POLN: variants seen among roughly 807,000 people sequenced by gnomAD.
POLN encodes the protein DNA polymerase nu.
A neutral mutation model predicts 113.5 loss-of-function variants in POLN; 108 were observed. The ratio of observed to expected loss-of-function variants is 0.95; its 90% confidence interval spans 0.81 to 1.12. The LOEUF (loss-of-function observed/expected upper bound fraction) is 1.12, where lower values mean the gene tolerates loss of function less well. POLN is among the 50% of genes most tolerant of loss of function. The pLI, the probability that POLN is intolerant of heterozygous loss-of-function variation, is 0.00. For synonymous variants in POLN, 386 were observed against 391.5 expected, an observed-to-expected ratio of 0.99 and a Z score of 0.17; for missense variants, 1,097 against 1,077.1, an observed-to-expected ratio of 1.02 and a Z score of -0.26.
intron 16 of POLN, among the ~76,000 whole-genome samples, chr4:2,149,479 C>G (rs1732234555): frequency 6.6e-6 from 1 of 152,108 alleles, no homozygotes; most frequent in Non-Finnish European, 1.5e-5. Context: ...AAAAAGAAAC[C>G]TGGTTGTAAA....
intron 20 of POLN, among the ~76,000 whole-genome samples, chr4:2,094,262 G>C (rs1730730778): frequency 6.6e-6 from 1 of 151,518 alleles, no homozygotes; most frequent in Non-Finnish European, 1.5e-5. Context: ...CAGGAGGCTT[G>C]AGCCCAGGAG....
intron 19 of POLN, among the ~76,000 whole-genome samples, chr4:2,098,814 T>C (rs1428244776): frequency 6.6e-6 from 1 of 152,222 alleles, no homozygotes; most frequent in Non-Finnish European, 1.5e-5. Context: ...GAGAAATGGC[T>C]GATTCCAGGA....
At chr4:2,075,605 T>C (rs1730256685) in intron 23 of POLN, 86 bp from the exon 24 acceptor site, 3 of 1,452,726 alleles carry the variant, frequency 2.1e-6, no homozygotes, top group Non-Finnish European at 2.9e-6. Flanking sequence ...GGAGTCAACC[T>C]GGGAGGCCAG....
chr4:2,117,800 C>T (rs1212230923), intron 19 of POLN, among the ~76,000 whole-genome samples: 2 of 152,210 alleles, frequency 1.3e-5, no homozygotes, highest in Non-Finnish European at 2.9e-5. Context: ...TGGCCTTTTG[C>T]TCCACTTTCT....
intron 2 of POLN, chr4:2,239,996 CAAT>C: frequency 6.8e-7 from 1 of 1,475,738 alleles, no homozygotes; most frequent in African/African-American, 1.4e-5. Flanking sequence ...CTATTCCTAA[CAAT>C]AATTACAATG....
chr4:2,138,733 C>T (rs1731921023), intron 16 of POLN, among the ~76,000 whole-genome samples: 1 of 152,042 alleles, frequency 6.6e-6, no homozygotes, highest in Non-Finnish European at 1.5e-5. Context: ...GAAAGCTGGT[C>T]TCTAGTAAAA....
intron 20 of POLN, chr4:2,089,719 G>A: frequency 1.5e-6 from 1 of 672,282 alleles, no homozygotes. Context: ...TTGAATATAT[G>A]AAGAATTATT....
intron 2 of POLN, among the ~76,000 whole-genome samples, chr4:2,232,971 T>C (rs61792606): frequency 0.087 from 13,260 of 152,148 alleles, 901 homozygotes; most frequent in African/African-American, 0.18. Context: ...TGAATACAGA[T>C]TCCTGTACCC....
chr4:2,151,265 C>G (rs367787956), intron 16 of POLN, among the ~76,000 whole-genome samples: 9 of 152,156 alleles, frequency 5.9e-5, no homozygotes, highest in African/African-American at 2.2e-4. Context: ...CAATGAGACA[C>G]CACAAGACAT....
At chr4:2,231,976 T>C (rs780109637) in intron 2 of POLN, 3 of 1,475,426 alleles carry the variant, frequency 2.0e-6, no homozygotes, top group Non-Finnish European at 2.8e-6. Flanking sequence ...TTCTAAATTC[T>C]CCACAATATC....
At chr4:2,153,352 G>A (rs1044850844) in intron 16 of POLN, among the ~76,000 whole-genome samples, 3 of 152,168 alleles carry the variant, frequency 2.0e-5, no homozygotes, top group African/African-American at 4.8e-5. Context: ...CTGGGATTGA[G>A]GGTGGAGGGC....
rs183403887 is a variant in POLN, at chr4:2,208,061, T to C, written c.640A>G (p.Met214Val). 1 of 1,614,252 alleles carries C rather than the reference T, an allele frequency of 6.2e-7. No individual in the cohort carries two copies. The highest frequency in any genetic ancestry group is 2.2e-5 in the East Asian group (1 of 44,884). The change falls in exon 5 of 26, where the codon ATG becomes GTG. Residue 214 changes from methionine to valine, a missense_variant. By Grantham distance (21) the Met-to-Val change is conservative (BLOSUM62 1). Coordinates refer to ENST00000511885, the MANE Select transcript of POLN (RefSeq NM_181808.4). ...DDWAKSQLIE[M>V]LKQAAALVIT... is the part of the protein sequence containing the mutation. ...ACCAGGGCTGCTGCCTGTTTGAGCA[T>C]TTCAATCAGCTGGCTTTTTGCCCAA...
intron 9 of POLN, 138 bp downstream of exon 9, chr4:2,176,128 G>A: frequency 1.4e-6 from 1 of 726,998 alleles, no homozygotes. Context: ...CCTTTTCTGA[G>A]TAATGCACAG....
intron 4 of POLN, among the ~76,000 whole-genome samples, chr4:2,212,082 A>T (rs964841814): frequency 6.6e-6 from 1 of 152,120 alleles, no homozygotes; most frequent in Non-Finnish European, 1.5e-5. Context: ...ATCTCACTTT[A>T]CTATAGGGCA....
intron 16 of POLN, among the ~76,000 whole-genome samples, chr4:2,151,452 A>C (rs1732293788): frequency 1.3e-5 from 2 of 152,110 alleles, no homozygotes; most frequent in Admixed American, 1.3e-4. Context: ...TAGCTACTTG[A>C]CTCTTTGGTA....
intron 7 of POLN, among the ~76,000 whole-genome samples, chr4:2,184,081 T>C (rs1331892232): frequency 2.0e-5 from 3 of 151,688 alleles, no homozygotes; most frequent in African/African-American, 7.3e-5. Context: ...CTTGAACTCC[T>C]GACCTCAGGT....
At chr4:2,089,406 A>G in intron 20 of POLN, 1 of 1,382,512 alleles carries the variant, frequency 7.2e-7, no homozygotes. Flanking sequence ...TGAAACTGAC[A>G]GATGACTGGT....
Position 2,072,961 on chromosome 4 carries a change from C to T in POLN, c.2517+7G>A. The T allele has an allele frequency of 6.2e-7, 1 of 1,612,940 alleles. No individual in the cohort carries two copies. The highest frequency in any genetic ancestry group is 1.1e-5 in the South Asian group (1 of 91,062). ...GGAAGACCGGGCAGGCTTAAGTGTC[C>T]CCTCACCTGAAGCTGCAGCTCCAAT... On this transcript the variant is annotated splice_region_variant and intron_variant, in intron 25 of 25. Coordinates refer to ENST00000511885, the MANE Select transcript of POLN (RefSeq NM_181808.4).
chr4:2,170,689 G>T lies in POLN; in HGVS notation c.1544C>A (p.Ser515Ter). The T allele has an allele frequency of 1.2e-6, 2 of 1,613,114 alleles. No homozygotes were observed. Among genetic ancestry groups the T allele is most frequent in the Non-Finnish European group, 1.7e-6 (2 of 1,179,050 alleles). Residue 515 changes from serine to a stop codon, truncating the protein, a stop_gained, in exon 13 of 26, where the codon TCA becomes TAA. Transcript: ENST00000511885. LOFTEE classifies it high-confidence loss of function. Reference protein sequence around the residue: ...RTGLQKYPSTSEAVLNALRDL... With the variant: ...RTGLQKYPST ...ACTCTGAAACCTTACCACTGCTTCTGATGTAGACGGGTATTTCTGCAACCC... is the reference window on the plus strand; with the variant it reads ...ACTCTGAAACCTTACCACTGCTTCTTATGTAGACGGGTATTTCTGCAACCC...
Sources: gnomAD v4.1 joint callset for allele counts (sites outside exome capture counted in the v4.1 genomes callset) on GRCh38, gnomAD v4.1.1 for gene constraint, MANE v1.5 for transcripts, NCBI Gene and HGNC (gene_info 2026-07-23, HGNC 2026-07-21) for gene names.